GPR180: variants seen among roughly 807,000 people sequenced by gnomAD.
GPR180 encodes the protein integral membrane protein GPR180.
Under a neutral mutation model 52.6 loss-of-function variants are expected in GPR180, and 53 were observed. The observed-to-expected ratio is 1.01, with a 90% CI of 0.81 to 1.27. GPR180 has a LOEUF of 1.27. Among genes scored for constraint, GPR180 ranks in the 50% most tolerant of loss-of-function variants. The pLI is 0.00. For missense variants in GPR180, 533 were observed against 527.0 expected (o/e 1.01, Z -0.11); for synonymous variants, 200 against 193.1 (o/e 1.04, Z -0.30).
At chr13:94,614,777 T>C (rs144422762) in intron 3 of GPR180, among the ~76,000 whole-genome samples, 1 of 152,232 alleles carries the variant, frequency 6.6e-6, no homozygotes, top group Non-Finnish European at 1.5e-5. Context: ...TTACATTGAG[T>C]ATGTCAGCAA....
chr13:94,605,746 C>T lies in GPR180; in HGVS notation c.304+197C>T, dbSNP rs1452844102. On this transcript the variant is annotated intron_variant, in intron 2 of 8. Transcript: ENST00000376958. The stretch of plus-strand genomic sequence containing the variant: ...CATTCATCGTTTTTGAAAAAAAAAT[C>T]CAGATAATTTATATAGGAGTCCTTT... 7.2e-5 allele frequency among the ~76,000 whole-genome samples: 11 copies of T among 152,068 alleles called. No homozygotes were observed. In the East Asian group the frequency reaches 2.1e-3, roughly 29 times the overall value.
Position 94,602,010 on chromosome 13 carries a change from G to C in GPR180, c.83G>C (p.Ser28Thr), listed in dbSNP as rs1889560009. 1.4e-6 allele frequency: 2 copies of C among 1,471,358 alleles called. No individual in the cohort carries two copies. The highest frequency in any genetic ancestry group is 1.8e-6 in the Non-Finnish European group (2 of 1,112,724). 91.1% of individuals were successfully genotyped at this position (1,471,358 alleles called of 1,614,324 possible). A position where few individuals can be genotyped will look rare whatever the true frequency, so the allele number is the denominator to read the frequency against. ...AGCCAGGGTAAGACCCTGCGGGGCA[G>C]CTTCAGCAGCACCGCGGCCCAGGAC... ...QGSQGKTLRG[S>T]FSSTAAQDAQ... is the part of the protein sequence containing the mutation. The change falls in exon 1 of 9, where the codon AGC (serine) becomes ACC (threonine). Residue 28 changes from serine to threonine, a missense_variant. Ser to Thr is a moderately conservative substitution (Grantham distance 58). Transcript: ENST00000376958.
intron 2 of GPR180, 64 bp downstream of exon 2, chr13:94,605,613 A>G: frequency 1.5e-6 from 2 of 1,332,934 alleles, no homozygotes; most frequent in Non-Finnish European, 2.1e-6. Context: ...GTTGAAATAT[A>G]GTACCATATG....
At position 94,601,868 on chromosome 13, in the gene GPR180, T is replaced by A; in HGVS notation, c.-60T>A. 7.6e-7 allele frequency: 1 copy of A among 1,324,286 alleles called. No homozygotes were observed. Among genetic ancestry groups the A allele is most frequent in the Non-Finnish European group, 9.7e-7 (1 of 1,034,990 alleles). 82.0% of individuals were successfully genotyped at this position (1,324,286 alleles called of 1,614,324 possible). A position where few individuals can be genotyped will look rare whatever the true frequency, so the allele number is the denominator to read the frequency against. ...ACCCCGCCTCCCCCAGCTGCCGACGTGGGGCGGGCAGCCGCCGGCGGCTGG... is the reference window on the plus strand; with the variant it reads ...ACCCCGCCTCCCCCAGCTGCCGACGAGGGGCGGGCAGCCGCCGGCGGCTGG... On this transcript the variant is annotated 5_prime_UTR_variant, in exon 1 of 9. Transcript: ENST00000376958.
rs1315578282 is a variant in GPR180 at position 94,601,941 on chromosome 13, G to A, written c.14G>A (p.Arg5Gln). 2 of 1,495,210 alleles carry A rather than the reference G, an allele frequency of 1.3e-6. No homozygotes were observed. Among genetic ancestry groups the A allele is most frequent in the Admixed American group, 2.2e-5 (1 of 45,590 alleles). The allele number at this position is 1,495,210 out of a possible 1,614,324, so 92.6% of individuals were successfully genotyped here. A position where few individuals can be genotyped will look rare whatever the true frequency, so the allele number is the denominator to read the frequency against. Reference protein sequence around the residue: MGGLRLLAVALTCCW... With the variant: MGGLQLLAVALTCCW... ...CTGGAGACGGGCATGGGGGGGCTGC[G>A]GCTGCTGGCTGTGGCCCTCACGTGC... The change falls in exon 1 of 9, where the codon CGG becomes CAG. Residue 5 changes from arginine (R) to glutamine (Q), a missense_variant. Coordinates refer to ENST00000376958, the MANE Select transcript of GPR180 (RefSeq NM_180989.6).
rs1015259186 is a variant in GPR180 at position 94,627,418 on chromosome 13, C to A, written c.*247C>A. 1.7e-5 allele frequency: 7 copies of A among 421,648 alleles called. No individual in the cohort carries two copies. The highest frequency in any genetic ancestry group is 1.4e-4 in the Admixed American group (3 of 22,196). The allele number at this position is 421,648 out of a possible 1,614,324, so 26.1% of individuals were successfully genotyped here. ...TGTTATAAAATTATTGAAGCGATTT[C>A]TATGTGGAAATAAATGTGAAAAATA... On this transcript the variant is annotated 3_prime_UTR_variant, in exon 9 of 9. Coordinates refer to ENST00000376958, the MANE Select transcript of GPR180 (RefSeq NM_180989.6).
chr13:94,617,190 A>G (rs552839666), intron 3 of GPR180, among the ~76,000 whole-genome samples: 27 of 152,246 alleles, frequency 1.8e-4, no homozygotes, highest in South Asian at 4.1e-4. Context: ...TCATGGAGTC[A>G]GAAACTTTAT....
chr13:94,626,618 C>T (rs937338994), intron 8 of GPR180, among the ~76,000 whole-genome samples: 3 of 152,110 alleles, frequency 2.0e-5, no homozygotes, highest in Admixed American at 6.5e-5. Flanking sequence ...AATAGAGAAG[C>T]AACTTGAGAA....
rs1176239503 is a variant in GPR180, at chr13:94,632,366, A to G, written c.*5195A>G. On this transcript the variant is annotated 3_prime_UTR_variant, in exon 9 of 9. Coordinates refer to ENST00000376958, the MANE Select transcript of GPR180 (RefSeq NM_180989.6). ...TATCTTTCTAGAAATGGCCCCATGC[A>G]CATATAAACATATATGAAACACAAA... is the stretch of plus-strand genomic sequence containing the variant. 2 of 152,202 alleles carry G rather than the reference A, an allele frequency of 1.3e-5. No homozygotes were observed. The highest frequency in any genetic ancestry group is 3.9e-4 in the East Asian group (2 of 5,194). 9.4% of individuals were successfully genotyped at this position (152,202 alleles called of 1,614,324 possible).
intron 1 of GPR180, among the ~76,000 whole-genome samples, chr13:94,603,844 C>A (rs1219062951): frequency 6.6e-6 from 1 of 152,318 alleles, no homozygotes; most frequent in Middle Eastern, 3.4e-3. Context: ...CAATAACTTA[C>A]TGCCATTTCT....
At chr13:94,624,486 A>G (rs114065734) in intron 7 of GPR180, among the ~76,000 whole-genome samples, 1 of 152,182 alleles carries the variant, frequency 6.6e-6, no homozygotes, top group Admixed American at 6.5e-5. Context: ...TTTCAGAGGG[A>G]CAGTAGTGCT....
rs1890022298 is a variant in GPR180, at chr13:94,633,207, T to TACTA, written c.*6036_*6037insACTA. ...TCAGAAGTAAGGATGGTCCTGGGAA[T>TACTA]GCCCAAAGTTGCTAGTTTCTGAAGT... On this transcript the variant is annotated 3_prime_UTR_variant, in exon 9 of 9. Coordinates refer to ENST00000376958, the MANE Select transcript of GPR180 (RefSeq NM_180989.6). The TACTA allele has an allele frequency of 6.6e-6, 1 of 152,216 alleles. No individual in the cohort carries two copies. Among genetic ancestry groups the TACTA allele is most frequent in the Non-Finnish European group, 1.5e-5 (1 of 68,046 alleles). 9.4% of individuals were successfully genotyped at this position (152,216 alleles called of 1,614,324 possible). A position where few individuals can be genotyped will look rare whatever the true frequency, so the allele number is the denominator to read the frequency against.
chr13:94,607,426 G>A (rs565836931), intron 2 of GPR180, among the ~76,000 whole-genome samples: 2 of 151,462 alleles, frequency 1.3e-5, no homozygotes, highest in Non-Finnish European at 2.9e-5. Flanking sequence ...TTACCTCTCC[G>A]TTTCATCTCA....
In GPR180 at chr13:94,612,403, ATTT is replaced by A; in HGVS notation, c.505+14_505+16del. 6.6e-7 allele frequency: 1 copy of A among 1,518,082 alleles called. No homozygotes were observed. Among genetic ancestry groups the A allele is most frequent in the South Asian group, 1.1e-5 (1 of 88,478 alleles). 94.0% of individuals were successfully genotyped at this position (1,518,082 alleles called of 1,614,324 possible). On this transcript the variant is annotated intron_variant, in intron 3 of 8. Coordinates refer to ENST00000376958, the MANE Select transcript of GPR180 (RefSeq NM_180989.6). ...GCTGGAGAATCTGGTAAGAATATGT[ATTT>A]GAATATATCCTAAATTCAGGAAAAG...
intron 3 of GPR180, among the ~76,000 whole-genome samples, chr13:94,615,624 C>T (rs926769406): frequency 1.3e-5 from 2 of 152,140 alleles, no homozygotes; most frequent in African/African-American, 4.8e-5. Flanking sequence ...AATAAAACTG[C>T]TTCTTTAAAA....
In GPR180 at chr13:94,607,201, C is replaced by T. The variant is rs546382672; in HGVS notation, c.304+1652C>T. 3.3e-5 allele frequency among the ~76,000 whole-genome samples: 5 copies of T among 152,332 alleles called. No homozygotes were observed. In the East Asian group the frequency reaches 7.7e-4, roughly 23 times the overall value. On this transcript the variant is annotated intron_variant, in intron 2 of 8. Coordinates refer to ENST00000376958, the MANE Select transcript of GPR180 (RefSeq NM_180989.6). ...GTCTTGAGGTTTTACTTTTAAATAT[C>T]TCTTGAATTCATCTTGCCTTTGCTA...
At chr13:94,610,869 A>C (rs1889693897) in intron 2 of GPR180, among the ~76,000 whole-genome samples, 1 of 152,192 alleles carries the variant, frequency 6.6e-6, no homozygotes, top group African/African-American at 2.4e-5. Flanking sequence ...ACATTTTCAG[A>C]TGCCCTGGAG....
rs570807308 is a variant in GPR180, at chr13:94,618,420, A to ATTTTTTTTTT, written c.506-716_506-707dup. Among the ~76,000 whole-genome samples the ATTTTTTTTTT allele has an allele frequency of 4.4e-3, 387 of 87,114 alleles. 85 individuals carry two copies. The highest frequency in any genetic ancestry group is 0.022 in the African/African-American group (348 of 15,820). 57.2% of individuals were successfully genotyped at this position (87,114 alleles called of 152,430 possible). A position where few individuals can be genotyped will look rare whatever the true frequency, so the allele number is the denominator to read the frequency against. ...CATGGAGTCGCATGATCAGCACAGGATTTTTTTTTTTTTTTTTTTTTTTGG... is the reference window on the plus strand; with the variant it reads ...CATGGAGTCGCATGATCAGCACAGGATTTTTTTTTTTTTTTTTTTTTTTTTTTTTTTTTGG... On this transcript the variant is annotated intron_variant, in intron 3 of 8. Transcript: ENST00000376958.
Position 94,612,304 on chromosome 13 carries a change from A to C in GPR180, c.419A>C (p.Gln140Pro). 1 of 1,613,834 alleles carries C rather than the reference A, an allele frequency of 6.2e-7. No homozygotes were observed. Among genetic ancestry groups the C allele is most frequent in the Admixed American group, 1.7e-5 (1 of 60,028 alleles). ...TGCCAAGATGACAAGGAGAATTCTC[A>C]GGTGGAAGATATCCCATTTGAAATG... ...YTCQDDKENS[Q>P]VEDIPFEMVL... The change falls in exon 3 of 9, where the codon CAG becomes CCG. Residue 140 changes from glutamine (Q) to proline (P), a missense_variant. Coordinates refer to ENST00000376958, the MANE Select transcript of GPR180 (RefSeq NM_180989.6).
Sources: allele counts gnomAD v4.1 joint callset (sites outside exome capture counted in the v4.1 genomes callset), GRCh38; gene constraint gnomAD v4.1.1; transcripts MANE v1.5; gene names NCBI Gene and HGNC (gene_info 2026-07-23, HGNC 2026-07-21).